The following MSI2 variants were observed in gnomAD, a reference collection of about 807,000 sequenced individuals.
The protein encoded by MSI2 is RNA-binding protein Musashi homolog 2.
A neutral mutation model predicts 45.6 loss-of-function variants in MSI2; 17 were observed. The observed-to-expected ratio is 0.37, with a 90% CI of 0.26 to 0.56. MSI2 has a LOEUF of 0.56. Ranked by LOEUF, MSI2 falls within the 20% of genes least tolerant of loss-of-function variation. MSI2 has a pLI of 0.77. For synonymous variants in MSI2, 156 were observed against 158.2 expected (o/e 0.99, Z 0.11); for missense variants, 293 against 444.2 (o/e 0.66, Z 3.06).
At chr17:57,369,580 T>G (rs1348589530) in intron 5 of MSI2, among the ~76,000 whole-genome samples, 1 of 152,234 alleles carries the variant, frequency 6.6e-6, no homozygotes, top group Non-Finnish European at 1.5e-5. Context: ...GCTCTTGGTT[T>G]TGCAAAGGAA....
chr17:57,478,563 G>A (rs914682837), intron 6 of MSI2, among the ~76,000 whole-genome samples: 9 of 152,140 alleles, frequency 5.9e-5, no homozygotes, highest in Non-Finnish European at 1.3e-4. Flanking sequence ...TACCACTGAC[G>A]TCTCCATGTT....
rs1052588855 is a variant in MSI2, at chr17:57,552,634, G to A, written c.454+22910G>A. Among the ~76,000 whole-genome samples, 4 of 152,178 alleles carry A rather than the reference G, an allele frequency of 2.6e-5. No individual in the cohort carries two copies. The highest frequency in any genetic ancestry group is 4.4e-5 in the Non-Finnish European group (3 of 68,040). On this transcript the variant is annotated intron_variant, in intron 7 of 13. Coordinates refer to ENST00000284073, the MANE Select transcript of MSI2 (RefSeq NM_138962.4). The surrounding 1 kb of genome is among the most constrained non-coding windows in gnomAD (Gnocchi z 4.3). Reference sequence around the variant, plus strand: ...CAAGTTTCCTCTGGTTCAAACTTACGTTTGAAGTTTTTCTACAACCAGAAG... The same window carrying A: ...CAAGTTTCCTCTGGTTCAAACTTACATTTGAAGTTTTTCTACAACCAGAAG...
chr17:57,553,091 A>G (rs2087343868), intron 7 of MSI2, among the ~76,000 whole-genome samples: 1 of 152,218 alleles, frequency 6.6e-6, no homozygotes, highest in African/African-American at 2.4e-5. Flanking sequence ...CAAAAGTGGC[A>G]TCAGAAACCT....
chr17:57,474,417 C>T (rs1203762173), intron 6 of MSI2, among the ~76,000 whole-genome samples: 1 of 152,182 alleles, frequency 6.6e-6, no homozygotes, highest in Non-Finnish European at 1.5e-5. Flanking sequence ...CACCTCAGCA[C>T]TACTGACGTT....
intron 6 of MSI2, among the ~76,000 whole-genome samples, chr17:57,443,312 C>T (rs1039944241): frequency 2.0e-5 from 3 of 152,154 alleles, no homozygotes; most frequent in African/African-American, 7.2e-5. Context: ...GAGTCTTGGG[C>T]GCGTCTCCTC....
Position 57,683,675 on chromosome 17 carries a change from A to AT in MSI2, c.*4173dup, listed in dbSNP as rs767906483. 7,645 of 201,106 alleles carry AT rather than the reference A, an allele frequency of 0.038. 2 individuals are homozygous for AT. Among genetic ancestry groups the AT allele is most frequent in the Middle Eastern group, 0.073 (48 of 658 alleles). The allele number at this position is 201,106 out of a possible 1,614,324, so 12.5% of individuals were successfully genotyped here. A position where few individuals can be genotyped will look rare whatever the true frequency, so the allele number is the denominator to read the frequency against. ...GTGGGGGGCTGGTGGGGGAGGGGAG[A>AT]TTTTTTTTTTTTTTTCTTGAATGTG... On this transcript the variant is annotated 3_prime_UTR_variant, in exon 14 of 14. Coordinates refer to ENST00000284073, the MANE Select transcript of MSI2 (RefSeq NM_138962.4). The surrounding 1 kb of genome is among the most constrained non-coding windows in gnomAD (Gnocchi z 5.2).
chr17:57,449,590 A>G (rs1490932765), intron 6 of MSI2: 6 of 152,328 alleles, frequency 3.9e-5, no homozygotes, highest in South Asian at 2.1e-4. Flanking sequence ...AGACATATGC[A>G]TCTATTTTCA....
intron 12 of MSI2, 135 bp downstream of exon 12, chr17:57,675,261 T>C (rs1913145086): frequency 1.2e-6 from 1 of 853,286 alleles, no homozygotes; most frequent in Non-Finnish European, 1.8e-6. Context: ...TCACACCAGC[T>C]CCTGAGGGCT....
At chr17:57,435,231 G>C (rs1441258259) in intron 6 of MSI2, among the ~76,000 whole-genome samples, 1 of 152,196 alleles carries the variant, frequency 6.6e-6, no homozygotes, top group African/African-American at 2.4e-5. Flanking sequence ...GAAGAGGCCA[G>C]CTGTGTGCAG....
chr17:57,394,193 A>G (rs1438463872), intron 5 of MSI2, among the ~76,000 whole-genome samples: 2 of 152,076 alleles, frequency 1.3e-5, no homozygotes, highest in East Asian at 1.9e-4. Context: ...CCTTTTTCCA[A>G]TTGTTTTTTT....
At chr17:57,643,132 C>T (rs1910378587) in intron 10 of MSI2, among the ~76,000 whole-genome samples, 1 of 152,154 alleles carries the variant, frequency 6.6e-6, no homozygotes, top group South Asian at 2.1e-4. Flanking sequence ...TCAAGCTCCA[C>T]AGGGGATTTC....
At chr17:57,336,931 G>A (rs887495864) in intron 5 of MSI2, among the ~76,000 whole-genome samples, 1 of 152,152 alleles carries the variant, frequency 6.6e-6, no homozygotes, top group African/African-American at 2.4e-5. Context: ...AAGTTAAGCA[G>A]CTGTTCTGGG....
At chr17:57,598,705 C>T (rs1456626429) in intron 8 of MSI2, among the ~76,000 whole-genome samples, 1 of 152,014 alleles carries the variant, frequency 6.6e-6, no homozygotes, top group Non-Finnish European at 1.5e-5. Flanking sequence ...CTTTGTTGCC[C>T]TGGCTGGAAT....
At chr17:57,264,214 C>T (rs926573899) in intron 5 of MSI2, 1 of 152,102 alleles carries the variant, frequency 6.6e-6, no homozygotes, top group African/African-American at 2.4e-5. Flanking sequence ...TGGTGCCACT[C>T]CTTAGCTGTG....
intron 9 of MSI2, among the ~76,000 whole-genome samples, chr17:57,623,537 A>T (rs977781250): frequency 3.9e-5 from 6 of 152,224 alleles, no homozygotes; most frequent in African/African-American, 1.4e-4. Context: ...TTGCTTCTGC[A>T]ATGGAAAGCC....
chr17:57,592,350 G>A (rs1904918275), intron 7 of MSI2, among the ~76,000 whole-genome samples: 1 of 151,986 alleles, frequency 6.6e-6, no homozygotes, highest in Admixed American at 6.5e-5. Flanking sequence ...ATTCATTTTG[G>A]GGGTTATTCA....
chr17:57,262,390 A>T (rs1007530352), intron 5 of MSI2, 198 bp downstream of exon 5: 59 of 498,554 alleles, frequency 1.2e-4, no homozygotes, highest in African/African-American at 8.9e-4. Context: ...GCTTCTGAAC[A>T]TCCACCTGGG....
intron 5 of MSI2, among the ~76,000 whole-genome samples, chr17:57,354,453 G>A (rs576694689): frequency 6.6e-6 from 1 of 152,260 alleles, no homozygotes; most frequent in South Asian, 2.1e-4. Flanking sequence ...AATGCCCTGG[G>A]AGAGCTTACA....
At chr17:57,517,905 C>G (rs913863354) in intron 6 of MSI2, among the ~76,000 whole-genome samples, 2 of 152,152 alleles carry the variant, frequency 1.3e-5, no homozygotes, top group African/African-American at 4.8e-5. Context: ...CACCGTAGTA[C>G]AGGGGTGTCA....
Sources: gnomAD v4.1 joint callset for allele counts (sites outside exome capture counted in the v4.1 genomes callset) on GRCh38, gnomAD v4.1.1 for gene constraint, Gnocchi (gnomAD v3.1) non-coding constraint, MANE v1.5 for transcripts, NCBI Gene and HGNC (gene_info 2026-07-23, HGNC 2026-07-21) for gene names.